The following ERGIC1 variants were observed in gnomAD, a reference collection of about 807,000 sequenced individuals.
ERGIC1 encodes the protein endoplasmic reticulum-golgi intermediate compartment 1.
In ERGIC1, 19 loss-of-function variants were observed where a neutral mutation model predicts 38.3. That is an observed-to-expected ratio of 0.50 (90% CI 0.35 to 0.73). The LOEUF is 0.73. ERGIC1 is among the 30% of genes least tolerant of loss of function. The probability of loss-of-function intolerance (pLI) is 0.01; values close to 1 mark genes in which losing one functional copy is unlikely to be tolerated. For synonymous variants in ERGIC1, 124 were observed against 157.6 expected (o/e 0.79, Z 1.60); for missense variants, 294 against 389.2 (o/e 0.76, Z 2.06).
At chr5:172,854,400 T>G (rs1478029913) in intron 1 of ERGIC1, among the ~76,000 whole-genome samples, 2 of 152,108 alleles carry the variant, frequency 1.3e-5, no homozygotes, top group Non-Finnish European at 2.9e-5. Context: ...AAAAAGAAAC[T>G]ACAGCAGACC....
At chr5:172,844,490 G>A (rs939494661) in intron 1 of ERGIC1, among the ~76,000 whole-genome samples, 13 of 152,208 alleles carry the variant, frequency 8.5e-5, no homozygotes, top group African/African-American at 2.2e-4. Context: ...GCAGGGTGCC[G>A]CCTCTGTGTC....
chr5:172,899,360 C>T (rs1762814824), intron 3 of ERGIC1, among the ~76,000 whole-genome samples: 1 of 143,710 alleles, frequency 7.0e-6, no homozygotes, highest in Non-Finnish European at 1.5e-5. Flanking sequence ...CTCTGTCGTC[C>T]AGGCTGTAGT....
At chr5:172,847,940 A>T (rs1434241579) in intron 1 of ERGIC1, among the ~76,000 whole-genome samples, 1 of 152,262 alleles carries the variant, frequency 6.6e-6, no homozygotes, top group Non-Finnish European at 1.5e-5. Context: ...CTGTAAATTG[A>T]TACAAATAAT....
At chr5:172,851,931 T>C (rs981915570) in intron 1 of ERGIC1, among the ~76,000 whole-genome samples, 1 of 151,932 alleles carries the variant, frequency 6.6e-6, no homozygotes, top group Non-Finnish European at 1.5e-5. Flanking sequence ...CTCATATGAG[T>C]CCATCCCAAG....
chr5:172,945,572 C>T (rs1764103721), intron 9 of ERGIC1, among the ~76,000 whole-genome samples: 1 of 152,174 alleles, frequency 6.6e-6, no homozygotes, highest in East Asian at 1.9e-4. Context: ...TTAGAGCCTT[C>T]CAGTGAACTG....
In ERGIC1 at chr5:172,948,554, AGAGT is replaced by A. The variant is rs937504035; in HGVS notation, c.766-2149_766-2146del. 3.9e-4 allele frequency among the ~76,000 whole-genome samples: 59 copies of A among 152,274 alleles called. 1 individual carries two copies. Among genetic ancestry groups the A allele is most frequent in the Non-Finnish European group, 2.8e-4 (19 of 68,028 alleles). ...GCCCCTTAAATGTGGCATGGGGGAA[AGAGT>A]GAGTGCCACATGCACTGTGTGACCT... On this transcript the variant is annotated intron_variant, in intron 9 of 9. Transcript: ENST00000393784.
chr5:172,871,103 A>G (rs541494310), intron 1 of ERGIC1, among the ~76,000 whole-genome samples: 1 of 152,360 alleles, frequency 6.6e-6, no homozygotes, highest in East Asian at 1.9e-4. Context: ...GCTCAGTGAC[A>G]TCAATCATCG....
chr5:172,928,081 TTG>T (rs1156785724), intron 7 of ERGIC1, among the ~76,000 whole-genome samples: 2 of 152,174 alleles, frequency 1.3e-5, no homozygotes, highest in African/African-American at 2.4e-5. Flanking sequence ...GCCGTGGTCA[TTG>T]TCGTTTTGTG....
At chr5:172,893,241 G>A (rs553500205) in intron 2 of ERGIC1, among the ~76,000 whole-genome samples, 11 of 151,462 alleles carry the variant, frequency 7.3e-5, no homozygotes, top group Admixed American at 3.3e-4. Context: ...TCCGCCTCTC[G>A]GATTCAAGTG....
chr5:172,945,359 G>A (rs895368023), intron 9 of ERGIC1, among the ~76,000 whole-genome samples: 2 of 152,164 alleles, frequency 1.3e-5, no homozygotes, highest in Admixed American at 6.5e-5. Flanking sequence ...GGCCCCCAGC[G>A]GCCACAAAGA....
At chr5:172,848,143 T>G (rs1761323048) in intron 1 of ERGIC1, among the ~76,000 whole-genome samples, 1 of 152,152 alleles carries the variant, frequency 6.6e-6, no homozygotes, top group South Asian at 2.1e-4. Flanking sequence ...CATGGTGGGG[T>G]CTGATGTCAT....
chr5:172,938,764 GA>G (rs111845778), intron 9 of ERGIC1, among the ~76,000 whole-genome samples: 2,872 of 121,512 alleles, frequency 0.024, 87 homozygotes, highest in African/African-American at 0.08. Context: ...AAAAAAAAAA[GA>G]AAAAAAAAAA....
rs753340202 is a variant in ERGIC1 at position 172,924,070 on chromosome 5, G to A, written c.441G>A (p.Thr147=). The A allele has an allele frequency of 2.8e-5, 46 of 1,614,182 alleles. No homozygotes were observed. Among genetic ancestry groups the A allele is most frequent in the Middle Eastern group, 1.6e-4 (1 of 6,062 alleles). ...CCCAGCCACAGAACCCAGACATGAC[G>A]CATGTCATCCACAAGCTCTCCTTTG... ...ATAQPQNPDM[T]HVIHKLSFGD... Residue 147 remains threonine, a synonymous_variant, in exon 6 of 10, where the codon ACG becomes ACA. Coordinates refer to ENST00000393784, the MANE Select transcript of ERGIC1 (RefSeq NM_001031711.3).
intron 1 of ERGIC1, among the ~76,000 whole-genome samples, chr5:172,879,926 G>A (rs962697210): frequency 3.9e-5 from 6 of 152,116 alleles, no homozygotes; most frequent in East Asian, 1.9e-4. Context: ...ACCCAGCGAC[G>A]GCCCAAAAGA....
intron 9 of ERGIC1, among the ~76,000 whole-genome samples, chr5:172,944,342 G>T (rs1764072417): frequency 1.3e-5 from 2 of 152,080 alleles, no homozygotes; most frequent in African/African-American, 4.8e-5. Context: ...CAGTCCTAGG[G>T]GGTGAGGATT....
chr5:172,880,027 T>G (rs1464373396), intron 1 of ERGIC1, among the ~76,000 whole-genome samples: 3 of 152,178 alleles, frequency 2.0e-5, no homozygotes, highest in Non-Finnish European at 4.4e-5. Context: ...TTTATTTATT[T>G]ACTTTATTAT....
At chr5:172,912,942 G>T (rs1411414395) in intron 4 of ERGIC1, among the ~76,000 whole-genome samples, 2 of 152,128 alleles carry the variant, frequency 1.3e-5, no homozygotes, top group African/African-American at 4.8e-5. Flanking sequence ...CTAATGTTTT[G>T]TGGTTTTAGT....
In ERGIC1 at chr5:172,862,453, G is replaced by A. The variant is rs78084737; in HGVS notation, c.21-26246G>A. On this transcript the variant is annotated intron_variant, in intron 1 of 9. Transcript: ENST00000393784. ...TGTTTATAGAAAGGCCCAGTGGTGA[G>A]GATGGCAATGGTGGTGAGCACTCCC... Among the ~76,000 whole-genome samples the A allele has an allele frequency of 7.4e-3, 1,121 of 152,142 alleles. 7 individuals carry two copies. The highest frequency in any genetic ancestry group is 0.012 in the Non-Finnish European group (821 of 68,000).
Position 172,926,437 on chromosome 5 carries a change from C to G in ERGIC1, c.481-72C>G, listed in dbSNP as rs1763652632. 6.4e-7 allele frequency: 1 copy of G among 1,562,016 alleles called. No homozygotes were observed. The highest frequency in any genetic ancestry group is 1.1e-5 in the South Asian group (1 of 90,080). On this transcript the variant is annotated intron_variant, in intron 6 of 9. Transcript: ENST00000393784. This position sits in a 1 kb window ranked among gnomAD's most constrained non-coding sequence, Gnocchi z 5.2. ...CCTAGACCAGGTGGTACCTGGCCAT[C>G]CCCCACAACCAGGGCCAGGCCTGGA...
Sources: gnomAD v4.1 joint callset for allele counts (sites outside exome capture counted in the v4.1 genomes callset) on GRCh38, gnomAD v4.1.1 for gene constraint, Gnocchi (gnomAD v3.1) non-coding constraint, MANE v1.5 for transcripts, NCBI Gene and HGNC (gene_info 2026-07-23, HGNC 2026-07-21) for gene names.